The following STARD13 variants were observed in gnomAD, a reference collection of about 807,000 sequenced individuals.
STARD13 encodes the protein StAR related lipid transfer domain containing 13.
STARD13 carries 62 observed loss-of-function variants against 106.4 expected under a neutral mutation model. The observed-to-expected ratio is 0.58, with a 90% CI of 0.48 to 0.72. STARD13 has a LOEUF of 0.72. Among genes scored for constraint, STARD13 ranks in the 30% least tolerant of loss-of-function variants. The probability of loss-of-function intolerance (pLI) is 0.00; values close to 1 mark genes in which losing one functional copy is unlikely to be tolerated. For synonymous variants in STARD13, 565 were observed against 553.0 expected (o/e 1.02, Z -0.31); for missense variants, 1,387 against 1,424.0 (o/e 0.97, Z 0.42).
the STARD13 span, among the ~76,000 whole-genome samples, chr13:33,368,711 G>T: frequency 1.8e-4 from 27 of 152,268 alleles, no homozygotes; most frequent in Non-Finnish European, 3.4e-4. Context: ...ATAGCTTTGA[G>T]AATGAGAGTC....
At chr13:33,448,622 T>C in the STARD13 span, among the ~76,000 whole-genome samples, 2 of 152,130 alleles carry the variant, frequency 1.3e-5, no homozygotes, top group Non-Finnish European at 2.9e-5. Flanking sequence ...ATATACCCAG[T>C]AGTGGGATTG....
intron 1 of STARD13, chr13:33,335,180 G>C (rs990903686): frequency 1.1e-4 from 16 of 152,202 alleles, no homozygotes; most frequent in Non-Finnish European, 2.1e-4. Flanking sequence ...CACGGCACCA[G>C]CTTTGTCTCC....
the STARD13 span, among the ~76,000 whole-genome samples, chr13:33,398,911 A>T: frequency 6.6e-6 from 1 of 152,216 alleles, no homozygotes; most frequent in Non-Finnish European, 1.5e-5. Context: ...ACTCAAGAGA[A>T]ATGAAAACAT....
At chr13:33,607,632 G>T in the STARD13 span, among the ~76,000 whole-genome samples, 1 of 152,016 alleles carries the variant, frequency 6.6e-6, no homozygotes, top group Non-Finnish European at 1.5e-5. Context: ...TTGGAGGCAG[G>T]AGAGGTTAAA....
the STARD13 span, among the ~76,000 whole-genome samples, chr13:33,485,530 C>A: frequency 9.2e-5 from 14 of 152,186 alleles, no homozygotes; most frequent in East Asian, 2.7e-3. Flanking sequence ...TAATTTCCAG[C>A]CCTGAAAATT....
At chr13:33,398,750 A>G in the STARD13 span, among the ~76,000 whole-genome samples, 2 of 152,216 alleles carry the variant, frequency 1.3e-5, no homozygotes, top group Non-Finnish European at 2.9e-5. Flanking sequence ...ATGAGATACC[A>G]CTGTACACCA....
intron 1 of STARD13, among the ~76,000 whole-genome samples, chr13:33,236,391 T>C (rs1183213510): frequency 6.6e-6 from 1 of 152,220 alleles, no homozygotes; most frequent in East Asian, 1.9e-4. Flanking sequence ...TTCCCTGGGT[T>C]CGGTGGAAAC....
At chr13:33,271,645 G>A (rs1230799358) in intron 1 of STARD13, 2 of 152,238 alleles carry the variant, frequency 1.3e-5, no homozygotes, top group Non-Finnish European at 2.9e-5. Context: ...CATTTACTTG[G>A]GAAGCAGAGT....
chr13:33,142,573 C>T (rs1219955415), intron 3 of STARD13, among the ~76,000 whole-genome samples, 200 bp from the exon 4 acceptor site: 1 of 152,172 alleles, frequency 6.6e-6, no homozygotes, highest in African/African-American at 2.4e-5. Context: ...GAGGACTCTA[C>T]CACTAAGCCT....
intron 1 of STARD13, among the ~76,000 whole-genome samples, chr13:33,329,449 G>A (rs552663338): frequency 2.5e-4 from 38 of 151,780 alleles, no homozygotes; most frequent in Non-Finnish European, 3.4e-4. Context: ...CCTCTTCCCC[G>A]CTCCAGGCAA....
At chr13:33,262,018 C>T (rs961000683) in intron 1 of STARD13, among the ~76,000 whole-genome samples, 3 of 152,154 alleles carry the variant, frequency 2.0e-5, no homozygotes, top group African/African-American at 7.2e-5. Context: ...AATGAACAAT[C>T]TGGATTGTGT....
At position 33,103,892 on chromosome 13, in the gene STARD13, G is replaced by T. The variant is rs1449642840; in HGVS notation, c.*1701C>A. ...TTGCTCACAAAGCATTGCCCAAAAGGTAAATTATGGATTTACTGCTTCCTT... is the reference window on the plus strand; with the variant it reads ...TTGCTCACAAAGCATTGCCCAAAAGTTAAATTATGGATTTACTGCTTCCTT... On this transcript the variant is annotated 3_prime_UTR_variant, in exon 14 of 14. Transcript: ENST00000336934. 1 of 152,156 alleles carries T rather than the reference G, an allele frequency of 6.6e-6. No homozygotes were observed. Among genetic ancestry groups the T allele is most frequent in the Non-Finnish European group, 1.5e-5 (1 of 68,026 alleles). 9.4% of individuals were successfully genotyped at this position (152,156 alleles called of 1,614,324 possible). A position where few individuals can be genotyped will look rare whatever the true frequency, so the allele number is the denominator to read the frequency against.
chr13:33,429,890 A>G, the STARD13 span, among the ~76,000 whole-genome samples: 1 of 149,660 alleles, frequency 6.7e-6, no homozygotes, highest in Non-Finnish European at 1.5e-5. Flanking sequence ...CTAATTGTAT[A>G]TTTATAATCA....
At chr13:33,511,526 T>C in the STARD13 span, 1 of 152,170 alleles carries the variant, frequency 6.6e-6, no homozygotes, top group Non-Finnish European at 1.5e-5. Context: ...GAGCCAACCA[T>C]TTACTATTTA....
intron 1 of STARD13, among the ~76,000 whole-genome samples, chr13:33,222,840 G>A (rs561593624): frequency 6.6e-6 from 1 of 152,320 alleles, no homozygotes; most frequent in African/African-American, 2.4e-5. Context: ...AACAAATAAT[G>A]TCACAGAGAG....
chr13:33,532,102 C>T, the STARD13 span, among the ~76,000 whole-genome samples: 92 of 152,244 alleles, frequency 6.0e-4, no homozygotes, highest in African/African-American at 2.1e-3. Context: ...TATAGGCTGT[C>T]GTTCTGCTCA....
At chr13:33,131,848 G>C (rs371907713) in intron 4 of STARD13, among the ~76,000 whole-genome samples, 1 of 152,136 alleles carries the variant, frequency 6.6e-6, no homozygotes, top group Non-Finnish European at 1.5e-5. Context: ...AGATTGAAGC[G>C]GGTCTTGCCT....
intron 1 of STARD13, among the ~76,000 whole-genome samples, chr13:33,232,838 T>C (rs1888991614): frequency 6.6e-6 from 1 of 152,242 alleles, no homozygotes; most frequent in Non-Finnish European, 1.5e-5. Context: ...TCATTCATCA[T>C]GATTGCTTCC....
At chr13:33,127,767 G>A (rs1483499559) in intron 5 of STARD13, among the ~76,000 whole-genome samples, 1 of 152,124 alleles carries the variant, frequency 6.6e-6, no homozygotes, top group East Asian at 1.9e-4. Flanking sequence ...ATTTTATTAG[G>A]GGGTTTAAAT....
Sources: gnomAD v4.1 joint callset for allele counts (sites outside exome capture counted in the v4.1 genomes callset) on GRCh38, gnomAD v4.1.1 for gene constraint, MANE v1.5 for transcripts, NCBI Gene and HGNC (gene_info 2026-07-23, HGNC 2026-07-21) for gene names.